RUBCNL: variants seen among roughly 807,000 people sequenced by gnomAD.
RUBCNL encodes rubicon like autophagy enhancer.
A neutral mutation model predicts 69.5 loss-of-function variants in RUBCNL; 62 were observed. The ratio of observed to expected loss-of-function variants is 0.89; its 90% confidence interval spans 0.73 to 1.10. The LOEUF (loss-of-function observed/expected upper bound fraction) is 1.10. Among genes scored for constraint, RUBCNL ranks in the 50% least tolerant of loss-of-function variants. The pLI is 0.00. For synonymous variants in RUBCNL, 291 were observed against 303.6 expected (o/e 0.96, Z 0.43); for missense variants, 768 against 798.1 (o/e 0.96, Z 0.45).
rs923963037 is a variant in RUBCNL at position 46,341,798 on chromosome 13, G to A, written c.*1587C>T. On this transcript the variant is annotated 3_prime_UTR_variant, in exon 15 of 15. Coordinates refer to ENST00000429979, the MANE Select transcript of RUBCNL (RefSeq NM_025113.5). Reference sequence around the variant, plus strand: ...GCAGGGCCTAAGCATGGGCTTTGGAGGCAGGTGGACTTGAATGTCAACCCC... The same window carrying A: ...GCAGGGCCTAAGCATGGGCTTTGGAAGCAGGTGGACTTGAATGTCAACCCC... 1.3e-5 allele frequency among the ~76,000 whole-genome samples: 2 copies of A among 152,240 alleles called. No homozygotes were observed. The highest frequency in any genetic ancestry group is 2.4e-5 in the African/African-American group (1 of 41,474).
Position 46,343,344 on chromosome 13 carries a change from T to C in RUBCNL, c.*41A>G. 2 of 1,599,488 alleles carry C rather than the reference T, an allele frequency of 1.3e-6. No individual in the cohort carries two copies. The highest frequency in any genetic ancestry group is 1.7e-6 in the Non-Finnish European group (2 of 1,171,438). On this transcript the variant is annotated 3_prime_UTR_variant, in exon 15 of 15. Coordinates refer to ENST00000429979, the MANE Select transcript of RUBCNL (RefSeq NM_025113.5). ...TAATAGACACAAATCGGTGTTATCA[T>C]AAGGCATGTTGAACAGTCTTTTTCA...
At chr13:46,384,650 G>A (rs115849716) in intron 1 of RUBCNL, among the ~76,000 whole-genome samples, 1,555 of 152,022 alleles carry the variant, frequency 0.01, 27 homozygotes, top group African/African-American at 0.028. Flanking sequence ...ATGCATTTTT[G>A]AACAATTTTT....
chr13:46,387,556 G>A, upstream of RUBCNL: 1 of 985,618 alleles, frequency 1.0e-6, no homozygotes, highest in Non-Finnish European at 1.2e-6. Flanking sequence ...TCAAAGACCT[G>A]GCAGAAATGA....
chr13:46,367,906 TAG>T lies in RUBCNL; in HGVS notation c.826+134_826+135del, dbSNP rs1158765712. On this transcript the variant is annotated intron_variant, in intron 5 of 14. Coordinates refer to ENST00000429979, the MANE Select transcript of RUBCNL (RefSeq NM_025113.5). Reference sequence around the variant, plus strand: ...AAGAACAAAAAAAAAGTAGTGTATATAGAGTTTGGTACTATCTGAAGGTTCAG... The same window carrying T: ...AAGAACAAAAAAAAAGTAGTGTATATAGTTTGGTACTATCTGAAGGTTCAG... The T allele has an allele frequency of 1.1e-5, 9 of 799,738 alleles. No homozygotes were observed. In the African/African-American group the frequency reaches 1.4e-4, roughly 12 times the overall value. 49.5% of individuals were successfully genotyped at this position (799,738 alleles called of 1,614,324 possible).
At chr13:46,375,042 G>T (rs2048958744) in intron 2 of RUBCNL, among the ~76,000 whole-genome samples, 1 of 152,072 alleles carries the variant, frequency 6.6e-6, no homozygotes. Context: ...CGTCACAGAG[G>T]TGCTCACTTC....
intron 13 of RUBCNL, 105 bp from the exon 14 acceptor site, chr13:46,344,936 C>T (rs2048213051): frequency 1.4e-6 from 1 of 714,392 alleles, no homozygotes; most frequent in Non-Finnish European, 2.4e-6. Flanking sequence ...GTCTATGATT[C>T]CAGCCTCTAG....
At position 46,338,477 on chromosome 13, in the gene RUBCNL, G is replaced by T. The variant is rs1594122487; in HGVS notation, c.*4908C>A. Among the ~76,000 whole-genome samples, 1 of 152,086 alleles carries T rather than the reference G, an allele frequency of 6.6e-6. No homozygotes were observed. The highest frequency in any genetic ancestry group is 1.9e-4 in the East Asian group (1 of 5,158). ...GAAAGACCTGAGCAGCCCTAAAAGT[G>T]GGGTTGAGACCACAGGGCAGGGGAT... is the stretch of plus-strand genomic sequence containing the variant. On this transcript the variant is annotated 3_prime_UTR_variant, in exon 15 of 15. Coordinates refer to ENST00000429979, the MANE Select transcript of RUBCNL (RefSeq NM_025113.5).
chr13:46,381,706 C>T (rs1451396840), intron 1 of RUBCNL, among the ~76,000 whole-genome samples: 3 of 152,194 alleles, frequency 2.0e-5, no homozygotes, highest in Non-Finnish European at 4.4e-5. Flanking sequence ...CCTCAGCCTC[C>T]AGAGTAGCTG....
Position 46,372,316 on chromosome 13 carries a change from T to C in RUBCNL, c.160A>G (p.Ile54Val), listed in dbSNP as rs141876988. The change falls in exon 3 of 15, where the codon ATT (isoleucine) becomes GTT (valine). Residue 54 changes from isoleucine to valine, a missense_variant. Ile to Val is a conservative substitution (Grantham distance 29). Coordinates refer to ENST00000429979, the MANE Select transcript of RUBCNL (RefSeq NM_025113.5). The stretch of plus-strand genomic sequence containing the variant: ...TGTTGCTGCACATCCTGGGGGTTAA[T>C]CCAGACAGCTTTGTGCCTCATGAGC... ...IRLMRHKAVW[I>V]NPQDVQQQPQ... 633 of 1,613,998 alleles carry C rather than the reference T, an allele frequency of 3.9e-4. 8 individuals are homozygous for C. The Middle Eastern group carries it at 0.01, about 26-fold the overall frequency.
rs1012737627 is a variant in RUBCNL, at chr13:46,336,416, T to C, written c.*6969A>G. ...TGTAATTTGTCATTAGTTTAAATGATCTATCATTTATTTAAAATGATATCT... is the reference window on the plus strand; with the variant it reads ...TGTAATTTGTCATTAGTTTAAATGACCTATCATTTATTTAAAATGATATCT... On this transcript the variant is annotated 3_prime_UTR_variant, in exon 15 of 15. Transcript: ENST00000429979. 6.6e-6 allele frequency among the ~76,000 whole-genome samples: 1 copy of C among 152,208 alleles called. No homozygotes were observed. The highest frequency in any genetic ancestry group is 2.4e-5 in the African/African-American group (1 of 41,450).
chr13:46,377,832 C>T (rs2049029032), intron 2 of RUBCNL, 58 bp downstream of exon 2: 4 of 989,816 alleles, frequency 4.0e-6, no homozygotes, highest in Non-Finnish European at 6.2e-6. Flanking sequence ...ACAACCATGT[C>T]TAAGGTCACA....
upstream of RUBCNL, among the ~76,000 whole-genome samples, chr13:46,389,410 G>A (rs2049309687): frequency 6.6e-6 from 1 of 152,156 alleles, no homozygotes; most frequent in Non-Finnish European, 1.5e-5. The surrounding 1 kb of genome is among the most constrained non-coding windows in gnomAD (Gnocchi z 4.2). Flanking sequence ...GGAGTCAGGA[G>A]GAACTTAGAG....
Position 46,338,127 on chromosome 13 carries a change from C to T in RUBCNL, c.*5258G>A, listed in dbSNP as rs1566533663. On this transcript the variant is annotated 3_prime_UTR_variant, in exon 15 of 15. Coordinates refer to ENST00000429979, the MANE Select transcript of RUBCNL (RefSeq NM_025113.5). ...GGGAGGGAGATGAAAAGGGGAAGCG[C>T]CCACCACTCCCATCTGCAGAGCCCA... Among the ~76,000 whole-genome samples the T allele has an allele frequency of 6.6e-6, 1 of 152,120 alleles. No individual in the cohort carries two copies. Among genetic ancestry groups the T allele is most frequent in the South Asian group, 2.1e-4 (1 of 4,822 alleles).
rs1476682599 is a variant in RUBCNL, at chr13:46,362,933, T to G, written c.925+182A>C. The stretch of plus-strand genomic sequence containing the variant: ...TTGAAACAAGAACATCATATATATA[T>G]ATATAGATATATATATATATATATA... On this transcript the variant is annotated intron_variant, in intron 6 of 14. Transcript: ENST00000429979. Among the ~76,000 whole-genome samples the G allele has an allele frequency of 4.0e-5, 2 of 49,910 alleles. 1 individual carries two copies. The highest frequency in any genetic ancestry group is 6.4e-5 in the Non-Finnish European group (2 of 31,224). 32.7% of individuals were successfully genotyped at this position (49,910 alleles called of 152,430 possible).
chr13:46,339,025 C>T lies in RUBCNL; in HGVS notation c.*4360G>A, dbSNP rs1046975512. ...CACGCCAACTGCACTCCAGCCTGGG[C>T]GACAGAGCGAGACCCTGTCTCAAAA... On this transcript the variant is annotated 3_prime_UTR_variant, in exon 15 of 15. Coordinates refer to ENST00000429979, the MANE Select transcript of RUBCNL (RefSeq NM_025113.5). 2.6e-4 allele frequency among the ~76,000 whole-genome samples: 38 copies of T among 145,938 alleles called. No individual in the cohort carries two copies. The highest frequency in any genetic ancestry group is 9.3e-4 in the African/African-American group (36 of 38,744).
At chr13:46,382,030 G>A (rs2049128517) in intron 1 of RUBCNL, among the ~76,000 whole-genome samples, 1 of 152,112 alleles carries the variant, frequency 6.6e-6, no homozygotes, top group Non-Finnish European at 1.5e-5. Context: ...CAAACTCCTG[G>A]CCTCAAGCAA....
At chr13:46,381,474 A>G (rs2138846057) in intron 1 of RUBCNL, among the ~76,000 whole-genome samples, 1 of 152,352 alleles carries the variant, frequency 6.6e-6, no homozygotes, top group African/African-American at 2.4e-5. Flanking sequence ...GCTAAAGGGT[A>G]CCAGGTTTCT....
At position 46,340,105 on chromosome 13, in the gene RUBCNL, T is replaced by C. The variant is rs1283622867; in HGVS notation, c.*3280A>G. On this transcript the variant is annotated 3_prime_UTR_variant, in exon 15 of 15. Transcript: ENST00000429979. The stretch of plus-strand genomic sequence containing the variant: ...TTTTTTCTTCCCTGCATCTTCTCTC[T>C]TCTCTCAATTTCCCTTTTCTTATAA... 6.6e-6 allele frequency among the ~76,000 whole-genome samples: 1 copy of C among 152,000 alleles called. No homozygotes were observed. Among genetic ancestry groups the C allele is most frequent in the East Asian group, 1.9e-4 (1 of 5,180 alleles).
rs2138652485 is a variant in RUBCNL, at chr13:46,338,890, G to GA, written c.*4494dup. Among the ~76,000 whole-genome samples the GA allele has an allele frequency of 6.6e-6, 1 of 151,902 alleles. No individual in the cohort carries two copies. Among genetic ancestry groups the GA allele is most frequent in the African/African-American group, 2.4e-5 (1 of 41,436 alleles). On this transcript the variant is annotated 3_prime_UTR_variant, in exon 15 of 15. Transcript: ENST00000429979. Reference sequence around the variant, plus strand: ...CGAAACCCCGTCTCTACCAAAAACAGAAAAAAATTAGCTGGGCATGGTGGC... The same window carrying GA: ...CGAAACCCCGTCTCTACCAAAAACAGAAAAAAAATTAGCTGGGCATGGTGGC...
Sources: gnomAD v4.1 joint callset for allele counts (sites outside exome capture counted in the v4.1 genomes callset) on GRCh38, gnomAD v4.1.1 for gene constraint, Gnocchi (gnomAD v3.1) non-coding constraint, MANE v1.5 for transcripts, NCBI Gene and HGNC (gene_info 2026-07-23, HGNC 2026-07-21) for gene names.